NECAB1: variants seen among roughly 807,000 people sequenced by gnomAD.
NECAB1 encodes the protein N-terminal EF-hand calcium binding protein 1.
A neutral mutation model predicts 57.5 loss-of-function variants in NECAB1; 29 were observed. The ratio of observed to expected loss-of-function variants is 0.50; its 90% CI spans 0.38 to 0.69. NECAB1 has a LOEUF of 0.69. NECAB1 is among the 30% of genes least tolerant of loss of function. The probability of loss-of-function intolerance (pLI) is 0.00; values close to 1 mark genes in which losing one functional copy is unlikely to be tolerated. For synonymous variants in NECAB1, 142 were observed against 147.7 expected (o/e 0.96, Z 0.28); for missense variants, 372 against 413.8 (o/e 0.90, Z 0.88).
At chr8:90,928,831 A>C (rs777767269) in intron 8 of NECAB1, among the ~76,000 whole-genome samples, 4 of 152,222 alleles carry the variant, frequency 2.6e-5, no homozygotes, top group Non-Finnish European at 4.4e-5. Flanking sequence ...GAATGTGATG[A>C]AGAGTTCTTT....
intron 1 of NECAB1, among the ~76,000 whole-genome samples, chr8:90,798,436 T>C (rs1811700505): frequency 6.6e-6 from 1 of 152,152 alleles, no homozygotes; most frequent in Admixed American, 6.5e-5. Context: ...GTGTTTCAAC[T>C]CTTCTCCCCA....
At chr8:90,824,694 T>C (rs1217801641) in intron 2 of NECAB1, 23 bp from the exon 3 acceptor site, 2 of 1,385,246 alleles carry the variant, frequency 1.4e-6, no homozygotes, top group Admixed American at 2.2e-5. Context: ...ATAATTTGTG[T>C]CTCTTTGTTC....
intron 2 of NECAB1, among the ~76,000 whole-genome samples, chr8:90,803,193 G>A (rs547295385): frequency 3.3e-5 from 5 of 152,184 alleles, no homozygotes; most frequent in Admixed American, 1.3e-4. Context: ...CACTGCACCC[G>A]GCCCATTTGA....
At chr8:90,849,241 A>G (rs903272028) in intron 3 of NECAB1, among the ~76,000 whole-genome samples, 3 of 152,188 alleles carry the variant, frequency 2.0e-5, no homozygotes, top group African/African-American at 7.2e-5. Flanking sequence ...AAGCCACAGA[A>G]GGGAGTCACT....
At chr8:90,854,868 A>G (rs1812764650) in intron 3 of NECAB1, among the ~76,000 whole-genome samples, 2 of 152,212 alleles carry the variant, frequency 1.3e-5, no homozygotes, top group Non-Finnish European at 1.5e-5. Context: ...TCCCAGGCAA[A>G]TACTCCTTGG....
intron 3 of NECAB1, among the ~76,000 whole-genome samples, chr8:90,839,688 G>T (rs1218930135): frequency 6.6e-6 from 1 of 152,174 alleles, no homozygotes; most frequent in Non-Finnish European, 1.5e-5. Flanking sequence ...ACGAGAGAGA[G>T]TGTGGCATGT....
intron 5 of NECAB1, among the ~76,000 whole-genome samples, chr8:90,901,143 T>A (rs1400073664): frequency 6.6e-6 from 1 of 152,044 alleles, no homozygotes; most frequent in African/African-American, 2.4e-5. Flanking sequence ...AGATATTCAT[T>A]CCAGCATAGG....
chr8:90,906,887 A>ATATGTATATATATATATATGTATGTG, intron 5 of NECAB1, among the ~76,000 whole-genome samples: 1 of 121,662 alleles, frequency 8.2e-6, no homozygotes, highest in African/African-American at 3.7e-5. Context: ...ATATATATAT[A>ATATGTATATATATATATATGTATGTG]TATATATATA....
chr8:90,802,582 G>A (rs1464596827), intron 2 of NECAB1, among the ~76,000 whole-genome samples: 2 of 152,132 alleles, frequency 1.3e-5, no homozygotes, highest in Non-Finnish European at 2.9e-5. Flanking sequence ...ATTTATCTAT[G>A]GGGAGAGATT....
At chr8:90,887,103 C>T (rs1016784299) in intron 5 of NECAB1, among the ~76,000 whole-genome samples, 2 of 151,952 alleles carry the variant, frequency 1.3e-5, no homozygotes, top group Admixed American at 6.6e-5. Context: ...CTGTTCTGTC[C>T]GTGACATGCC....
At chr8:90,891,947 G>T (rs1481904936) in intron 5 of NECAB1, among the ~76,000 whole-genome samples, 2 of 152,000 alleles carry the variant, frequency 1.3e-5, no homozygotes, top group African/African-American at 4.8e-5. Context: ...AGCTGCCTTG[G>T]CCTCCCACAT....
intron 1 of NECAB1, among the ~76,000 whole-genome samples, chr8:90,797,230 C>T (rs1212445108): frequency 2.0e-5 from 3 of 152,162 alleles, no homozygotes; most frequent in African/African-American, 4.8e-5. Context: ...AAGCAGTCCT[C>T]CTGCAGTAAT....
intron 5 of NECAB1, among the ~76,000 whole-genome samples, chr8:90,913,649 T>C (rs2130098047): frequency 6.6e-6 from 1 of 152,326 alleles, no homozygotes; most frequent in South Asian, 2.1e-4. Flanking sequence ...AAAATCTCTT[T>C]TTGTACCTTC....
chr8:90,836,982 C>G (rs1812379546), intron 3 of NECAB1, among the ~76,000 whole-genome samples: 1 of 152,202 alleles, frequency 6.6e-6, no homozygotes, highest in South Asian at 2.1e-4. Flanking sequence ...TTTAACATTT[C>G]TATCTCTATG....
chr8:90,873,024 A>T (rs1477487974), intron 4 of NECAB1, among the ~76,000 whole-genome samples: 2 of 152,182 alleles, frequency 1.3e-5, no homozygotes, highest in African/African-American at 4.8e-5. Flanking sequence ...TATATTCAAG[A>T]GTGGTTATTT....
At chr8:90,908,369 C>T (rs1189915178) in intron 5 of NECAB1, among the ~76,000 whole-genome samples, 3 of 152,014 alleles carry the variant, frequency 2.0e-5, no homozygotes, top group Admixed American at 6.6e-5. Flanking sequence ...AATTTATGTA[C>T]GAACATAGTT....
chr8:90,831,829 A>G (rs1425050037), intron 3 of NECAB1, among the ~76,000 whole-genome samples: 1 of 152,106 alleles, frequency 6.6e-6, no homozygotes, highest in Admixed American at 6.6e-5. Context: ...CCCCCTTAGT[A>G]TAGATGTTCT....
In NECAB1 at chr8:90,956,694, A is replaced by G. The variant is rs1012882648; in HGVS notation, c.*1182A>G. On this transcript the variant is annotated 3_prime_UTR_variant, in exon 13 of 13. Coordinates refer to ENST00000417640, the MANE Select transcript of NECAB1 (RefSeq NM_022351.5). The stretch of plus-strand genomic sequence containing the variant: ...AAACTATAAGTCTTTGAGGAAAATT[A>G]TAAGGTAAAATTTTCCTGTTTTTCC... The G allele has an allele frequency of 1.3e-5, 2 of 152,222 alleles. No homozygotes were observed. The highest frequency in any genetic ancestry group is 2.9e-5 in the Non-Finnish European group (2 of 67,918). 9.4% of individuals were successfully genotyped at this position (152,222 alleles called of 1,614,324 possible).
chr8:90,913,374 T>C (rs1259238348), intron 5 of NECAB1, among the ~76,000 whole-genome samples: 1 of 145,934 alleles, frequency 6.9e-6, no homozygotes, highest in Admixed American at 6.9e-5. Context: ...ATAATTATCA[T>C]GACACGAATG....
Sources: allele counts gnomAD v4.1 joint callset (sites outside exome capture counted in the v4.1 genomes callset), GRCh38; gene constraint gnomAD v4.1.1; transcripts MANE v1.5; gene names NCBI Gene and HGNC (gene_info 2026-07-23, HGNC 2026-07-21).